KLF8: variants seen among roughly 807,000 people sequenced by gnomAD.
The protein encoded by KLF8 is Krueppel-like factor 8.
In KLF8, 10 loss-of-function variants were observed where a neutral mutation model predicts 18.2. The ratio of observed to expected loss-of-function variants is 0.55; its 90% CI spans 0.34 to 0.93. The LOEUF (loss-of-function observed/expected upper bound fraction) is 0.93. KLF8 is among the 40% of genes least tolerant of loss of function. The pLI is 0.02. For synonymous variants in KLF8, 109 were observed against 97.3 expected (o/e 1.12, Z -0.71); for missense variants, 264 against 277.9 (o/e 0.95, Z 0.36).
chrX:55,964,699 A>G, the KLF8 span, among the ~76,000 whole-genome samples: 11 of 112,057 alleles, frequency 9.8e-5, no homozygotes, highest in South Asian at 4.1e-3. Flanking sequence ...CCACATGAAC[A>G]CAATCAGAAA....
chrX:56,229,502 A>C (rs1322875198), upstream of KLF8, among the ~76,000 whole-genome samples: 1 of 111,943 alleles, frequency 8.9e-6, no homozygotes, highest in Non-Finnish European at 1.9e-5. Context: ...AGGGAAATTT[A>C]TCAAAACTTC....
chrX:56,025,827 T>A, the KLF8 span, among the ~76,000 whole-genome samples: 1 of 111,905 alleles, frequency 8.9e-6, no homozygotes, highest in Admixed American at 9.5e-5. Flanking sequence ...AACATGTTCC[T>A]TTTGGTGTTC....
At chrX:56,203,445 C>T in the KLF8 span, among the ~76,000 whole-genome samples, 9 of 111,723 alleles carry the variant, frequency 8.1e-5, no homozygotes, top group Non-Finnish European at 1.3e-4. Flanking sequence ...TCCCATTTGT[C>T]CATTTTTGCT....
At chrX:56,057,463 G>A in the KLF8 span, among the ~76,000 whole-genome samples, 29 of 111,776 alleles carry the variant, frequency 2.6e-4, no homozygotes, top group African/African-American at 9.1e-4. Context: ...AGTGATGTGC[G>A]GGGTTGCTGT....
chrX:56,114,643 C>T, the KLF8 span, among the ~76,000 whole-genome samples: 1 of 112,433 alleles, frequency 8.9e-6, no homozygotes, highest in Non-Finnish European at 1.9e-5. Context: ...ATATTGAATG[C>T]CTGGGCTAAA....
At chrX:56,122,634 A>G in the KLF8 span, among the ~76,000 whole-genome samples, 5 of 111,532 alleles carry the variant, frequency 4.5e-5, no homozygotes, top group African/African-American at 1.6e-4. Context: ...ATTGAGGTTT[A>G]TTATTGAAAT....
At chrX:56,125,353 G>A in the KLF8 span, among the ~76,000 whole-genome samples, 1 of 111,573 alleles carries the variant, frequency 9.0e-6, no homozygotes, top group African/African-American at 3.3e-5. Context: ...AGAGTCCTGG[G>A]GAGTGTAATG....
At chrX:56,270,053 T>G (rs1462608753) in intron 4 of KLF8, 129 bp from the exon 5 acceptor site, 8 of 629,311 alleles carry the variant, frequency 1.3e-5, no homozygotes, top group African/African-American at 2.2e-5. Flanking sequence ...TATTTCTTTT[T>G]GGGGGGACCT....
chrX:55,987,350 C>A, the KLF8 span, among the ~76,000 whole-genome samples: 6 of 110,434 alleles, frequency 5.4e-5, no homozygotes, highest in African/African-American at 2.0e-4. Flanking sequence ...TACCTCCCCC[C>A]TCCCCCAACC....
chrX:56,168,597 C>A, the KLF8 span, among the ~76,000 whole-genome samples: 1 of 110,961 alleles, frequency 9.0e-6, no homozygotes, highest in Non-Finnish European at 1.9e-5. Context: ...GTGCTGCACC[C>A]ATGAACTCAT....
the KLF8 span, among the ~76,000 whole-genome samples, chrX:56,145,428 G>A: frequency 3.6e-5 from 4 of 112,203 alleles, no homozygotes; most frequent in African/African-American, 1.3e-4. Context: ...TACAGTTACC[G>A]GATGGTCCAG....
the KLF8 span, among the ~76,000 whole-genome samples, chrX:56,205,153 C>T: frequency 7.3e-5 from 8 of 109,796 alleles, no homozygotes; most frequent in Non-Finnish European, 1.5e-4. Flanking sequence ...ATTCTCCTGT[C>T]AAAAAAAATG....
the KLF8 span, among the ~76,000 whole-genome samples, chrX:56,160,522 C>T: frequency 1.8e-5 from 2 of 111,355 alleles, no homozygotes; most frequent in African/African-American, 6.5e-5. Flanking sequence ...GTGTGGGAGT[C>T]TAAGTCTCTT....
chrX:55,949,842 G>A, the KLF8 span, among the ~76,000 whole-genome samples: 1,186 of 110,380 alleles, frequency 0.011, 9 homozygotes, highest in African/African-American at 0.037. Context: ...AGCTTTTGAT[G>A]CCTGCAGGAC....
chrX:56,058,341 T>C, the KLF8 span, among the ~76,000 whole-genome samples: 6 of 85,353 alleles, frequency 7.0e-5, no homozygotes, highest in Non-Finnish European at 1.4e-4. Context: ...TATATGTTTG[T>C]TTTATTTTTT....
chrX:56,129,389 G>A, the KLF8 span, among the ~76,000 whole-genome samples: 3 of 112,061 alleles, frequency 2.7e-5, no homozygotes, highest in East Asian at 2.8e-4. Context: ...GTCCACTCCC[G>A]AGCACACACT....
At chrX:55,991,553 C>T in the KLF8 span, among the ~76,000 whole-genome samples, 1 of 111,537 alleles carries the variant, frequency 9.0e-6, no homozygotes, top group African/African-American at 3.3e-5. Flanking sequence ...GAAGCCGGTA[C>T]CTCAGTTGGA....
the KLF8 span, among the ~76,000 whole-genome samples, chrX:56,003,571 A>C: frequency 8.9e-6 from 1 of 111,813 alleles, no homozygotes; most frequent in Non-Finnish European, 1.9e-5. Flanking sequence ...GAGAACAGGA[A>C]AACATGTGAA....
At chrX:55,914,605 T>C in the KLF8 span, among the ~76,000 whole-genome samples, 2 of 111,643 alleles carry the variant, frequency 1.8e-5, no homozygotes, top group Non-Finnish European at 3.8e-5. Context: ...GGTTAGACGG[T>C]CAGAGAAGAC....
Sources: allele counts gnomAD v4.1 joint callset (sites outside exome capture counted in the v4.1 genomes callset), GRCh38; gene constraint gnomAD v4.1.1; transcripts MANE v1.5; gene names NCBI Gene and HGNC (gene_info 2026-07-23, HGNC 2026-07-21).